The following BLOC1S5 variants were observed in gnomAD, a reference collection of about 807,000 sequenced individuals.
BLOC1S5 encodes biogenesis of lysosomal organelles complex 1 subunit 5.
In BLOC1S5, 27 loss-of-function variants were observed where a neutral mutation model predicts 24.3. The ratio of observed to expected loss-of-function variants is 1.11; its 90% confidence interval spans 0.82 to 1.53. The LOEUF is 1.53. BLOC1S5 is among the 40% of genes most tolerant of loss of function. The pLI is 0.00. For synonymous variants in BLOC1S5, 84 were observed against 74.5 expected (o/e 1.13, Z -0.66); for missense variants, 239 against 229.4 (o/e 1.04, Z -0.27).
At chr6:8,041,099 T>C (rs1763663598) in intron 3 of BLOC1S5, 40 bp downstream of exon 3, 2 of 1,556,320 alleles carry the variant, frequency 1.3e-6, no homozygotes, top group South Asian at 2.4e-5. Flanking sequence ...GTAGCATTCA[T>C]TTGAAATGAA....
At chr6:8,033,777 T>A (rs1410465523) in intron 3 of BLOC1S5, among the ~76,000 whole-genome samples, 1 of 151,224 alleles carries the variant, frequency 6.6e-6, no homozygotes, top group East Asian at 1.9e-4. Context: ...CAAAAAAATT[T>A]ACAAGAGAAA....
intron 3 of BLOC1S5, among the ~76,000 whole-genome samples, chr6:8,040,856 C>CAA (rs574721309): frequency 1.5e-5 from 2 of 130,372 alleles, no homozygotes; most frequent in Non-Finnish European, 1.7e-5. Context: ...ACTGTGCCTC[C>CAA]AAAAAAAAAA....
chr6:8,026,829 C>T (rs563584787), intron 3 of BLOC1S5, among the ~76,000 whole-genome samples: 1 of 152,278 alleles, frequency 6.6e-6, no homozygotes, highest in African/African-American at 2.4e-5. Flanking sequence ...TCTGGACCAT[C>T]TCCATTAAGT....
intron 2 of BLOC1S5, among the ~76,000 whole-genome samples, chr6:8,052,425 C>T (rs1764145689): frequency 6.6e-6 from 1 of 152,174 alleles, no homozygotes; most frequent in Non-Finnish European, 1.5e-5. Context: ...ATTCACCATT[C>T]TAGATGCCAT....
At position 8,013,710 on chromosome 6, in the gene BLOC1S5, G is replaced by A. The variant is rs1393037522; in HGVS notation, c.*1939C>T. ...TTGGTTACAGCATTCGTTCAATGAT[G>A]TGTTGGCAATTAATCGCATTCCAAA... On this transcript the variant is annotated 3_prime_UTR_variant, in exon 5 of 5. Transcript: ENST00000397457. 4 of 152,194 alleles carry A rather than the reference G, an allele frequency of 2.6e-5. No homozygotes were observed. The East Asian group carries it at 7.7e-4, about 29-fold the overall frequency. The allele number at this position is 152,194 out of a possible 1,614,324, so 9.4% of individuals were successfully genotyped here.
rs144739149 is a variant in BLOC1S5 at position 8,037,231 on chromosome 6, T to C, written c.325+3908A>G. On this transcript the variant is annotated intron_variant, in intron 3 of 4. Transcript: ENST00000397457. ...ATGATCTTATATTTAGAAAAACCTA[T>C]TGACTCACCAAAAAGCTCTTGGAAC... Among the ~76,000 whole-genome samples, 29 of 152,312 alleles carry C rather than the reference T, an allele frequency of 1.9e-4. 1 individual carries two copies. In the East Asian group the frequency reaches 4.4e-3, roughly 23 times the overall value.
chr6:8,058,357 GAAAAAAAAAAA>G (rs60827828), intron 2 of BLOC1S5, among the ~76,000 whole-genome samples: 28 of 84,588 alleles, frequency 3.3e-4, no homozygotes, highest in East Asian at 2.9e-3. Flanking sequence ...CTGTCTCTAT[GAAAAAAAAAAA>G]AAAAAAAAAA....
intron 3 of BLOC1S5, among the ~76,000 whole-genome samples, chr6:8,034,253 G>A (rs1047216125): frequency 2.1e-4 from 32 of 152,218 alleles, no homozygotes; most frequent in African/African-American, 6.8e-4. Flanking sequence ...TGATAGACTG[G>A]ATTAAGAAAA....
chr6:8,021,639 C>T (rs963175668), intron 4 of BLOC1S5, among the ~76,000 whole-genome samples: 3 of 150,720 alleles, frequency 2.0e-5, no homozygotes, highest in East Asian at 1.9e-4. Flanking sequence ...AAAAAAGTTC[C>T]GTGGATGGAT....
chr6:8,043,313 G>A (rs2815142), intron 2 of BLOC1S5, among the ~76,000 whole-genome samples: 85,438 of 151,978 alleles, frequency 0.56, 25,532 homozygotes, highest in East Asian at 0.89. Flanking sequence ...GAGAAAACTA[G>A]CCAATGCAAT....
intron 4 of BLOC1S5, 63 bp from the exon 5 acceptor site, chr6:8,015,891 T>C: frequency 7.0e-7 from 1 of 1,420,002 alleles, no homozygotes; most frequent in Non-Finnish European, 9.5e-7. Context: ...TAACGTTATC[T>C]CTTGATACTT....
At chr6:8,019,212 C>G (rs932666030) in intron 4 of BLOC1S5, among the ~76,000 whole-genome samples, 3 of 152,078 alleles carry the variant, frequency 2.0e-5, no homozygotes, top group African/African-American at 7.2e-5. Context: ...CTTACAGTCA[C>G]TCCACGCTAT....
intron 4 of BLOC1S5, among the ~76,000 whole-genome samples, chr6:8,024,431 T>C (rs554307061): frequency 3.4e-4 from 48 of 139,284 alleles, no homozygotes; most frequent in African/African-American, 1.2e-3. Context: ...GGCAGGAGAA[T>C]AGCTTGAACC....
At chr6:8,037,483 C>T (rs529869959) in intron 3 of BLOC1S5, among the ~76,000 whole-genome samples, 2 of 152,094 alleles carry the variant, frequency 1.3e-5, no homozygotes, top group South Asian at 2.1e-4. Flanking sequence ...AGAGGGCACA[C>T]AAAAATGGAA....
At chr6:8,063,008 C>A (rs1011761382) in intron 1 of BLOC1S5, among the ~76,000 whole-genome samples, 2 of 151,942 alleles carry the variant, frequency 1.3e-5, no homozygotes, top group Non-Finnish European at 2.9e-5. Flanking sequence ...ATAAATACAT[C>A]AGAGTTACAC....
intron 4 of BLOC1S5, among the ~76,000 whole-genome samples, chr6:8,025,271 C>A (rs1314764623): frequency 2.0e-5 from 3 of 152,202 alleles, no homozygotes; most frequent in Non-Finnish European, 4.4e-5. Flanking sequence ...TGGCACCTAG[C>A]AAAGTAGAGG....
intron 2 of BLOC1S5, among the ~76,000 whole-genome samples, chr6:8,046,658 T>A (rs2113576207): frequency 6.6e-6 from 1 of 152,328 alleles, no homozygotes; most frequent in Middle Eastern, 3.4e-3. Flanking sequence ...ATGACTGATT[T>A]TTTTCCCCTC....
At chr6:8,034,977 A>C (rs1008183794) in intron 3 of BLOC1S5, among the ~76,000 whole-genome samples, 7 of 151,758 alleles carry the variant, frequency 4.6e-5, no homozygotes, top group Non-Finnish European at 7.3e-5. Context: ...ACACACATAC[A>C]CATATACACA....
intron 2 of BLOC1S5, among the ~76,000 whole-genome samples, chr6:8,052,708 T>C (rs1427886901): frequency 3.3e-5 from 5 of 151,934 alleles, no homozygotes; most frequent in African/African-American, 4.8e-5. Context: ...CTGGCTAACA[T>C]GGTGAAACCC....
Sources: gnomAD v4.1 joint callset for allele counts (sites outside exome capture counted in the v4.1 genomes callset) on GRCh38, gnomAD v4.1.1 for gene constraint, MANE v1.5 for transcripts, NCBI Gene and HGNC (gene_info 2026-07-23, HGNC 2026-07-21) for gene names.